The following FHIT variants were observed in gnomAD, a reference collection of about 807,000 sequenced individuals.
FHIT encodes bis(5'-adenosyl)-triphosphatase.
A neutral mutation model predicts 17.9 loss-of-function variants in FHIT; 19 were observed. The ratio of observed to expected loss-of-function variants is 1.06; its 90% CI spans 0.74 to 1.56. FHIT has a LOEUF of 1.56. FHIT is among the 40% of genes most tolerant of loss of function. The probability of loss-of-function intolerance (pLI) is 0.00; values close to 1 mark genes in which losing one functional copy is unlikely to be tolerated. For synonymous variants in FHIT, 81 were observed against 69.7 expected (o/e 1.16, Z -0.81); for missense variants, 248 against 189.2 (o/e 1.31, Z -1.82).
In FHIT at chr3:60,464,024, C is replaced by A. The variant is rs2032639590; in HGVS notation, c.103+72836G>T. ...GAACATGTAATTTGCCCTTTATTTG[C>A]ACAGTTTGGAATCATCATCATAACA... On this transcript the variant is annotated intron_variant, in intron 5 of 9. Coordinates refer to ENST00000492590, the MANE Select transcript of FHIT (RefSeq NM_002012.4). 3.9e-5 allele frequency among the ~76,000 whole-genome samples: 6 copies of A among 152,258 alleles called. No individual in the cohort carries two copies. The South Asian group carries it at 1.2e-3, about 32-fold the overall frequency.
chr3:60,203,856 G>A (rs182252828), intron 5 of FHIT, among the ~76,000 whole-genome samples: 21 of 152,250 alleles, frequency 1.4e-4, no homozygotes, highest in African/African-American at 3.8e-4. Context: ...GACAAACTTC[G>A]CATGTTCTCA....
intron 5 of FHIT, among the ~76,000 whole-genome samples, chr3:60,467,022 C>T (rs147964426): frequency 7.2e-4 from 110 of 151,782 alleles, no homozygotes; most frequent in African/African-American, 2.5e-3. Flanking sequence ...CTTTGCTGAG[C>T]GACTTCATTA....
At chr3:60,874,437 T>C (rs1704552907) in intron 3 of FHIT, among the ~76,000 whole-genome samples, 1 of 152,212 alleles carries the variant, frequency 6.6e-6, no homozygotes, top group South Asian at 2.1e-4. Flanking sequence ...GAATGTGGAA[T>C]GGTATAACTA....
intron 5 of FHIT, among the ~76,000 whole-genome samples, chr3:60,399,853 T>G (rs1701591465): frequency 6.6e-6 from 1 of 152,186 alleles, no homozygotes; most frequent in African/African-American, 2.4e-5. Context: ...TTTCTGTGGC[T>G]GAGTTAGGCT....
At chr3:60,431,464 C>T (rs1702901924) in intron 5 of FHIT, among the ~76,000 whole-genome samples, 1 of 152,060 alleles carries the variant, frequency 6.6e-6, no homozygotes, top group Non-Finnish European at 1.5e-5. Flanking sequence ...TTTCACTGAC[C>T]TATCTCTTGC....
intron 5 of FHIT, among the ~76,000 whole-genome samples, chr3:60,499,738 GTTC>G (rs1274467401): frequency 6.6e-6 from 1 of 152,064 alleles, no homozygotes; most frequent in African/African-American, 2.4e-5. Context: ...CTGAGCCTTT[GTTC>G]TTGTTTCCTT....
At chr3:59,896,215 A>C (rs1704064560) in intron 8 of FHIT, among the ~76,000 whole-genome samples, 1 of 152,224 alleles carries the variant, frequency 6.6e-6, no homozygotes, top group Non-Finnish European at 1.5e-5. Flanking sequence ...CTGTGTCCCA[A>C]GCAAGCACAG....
At chr3:59,946,720 G>C (rs1706823051) in intron 7 of FHIT, among the ~76,000 whole-genome samples, 1 of 152,140 alleles carries the variant, frequency 6.6e-6, no homozygotes, top group Non-Finnish European at 1.5e-5. Context: ...TTTTTAACAA[G>C]AAGGATGTCT....
intron 2 of FHIT, among the ~76,000 whole-genome samples, chr3:61,140,703 C>T (rs1306212864): frequency 6.6e-6 from 1 of 152,104 alleles, no homozygotes; most frequent in Non-Finnish European, 1.5e-5. Flanking sequence ...TCCTACCTTC[C>T]TGGTCATAGC....
At chr3:60,958,005 A>G (rs1329095374) in intron 3 of FHIT, among the ~76,000 whole-genome samples, 1 of 152,258 alleles carries the variant, frequency 6.6e-6, no homozygotes, top group Non-Finnish European at 1.5e-5. Flanking sequence ...AATTTAGACT[A>G]GATTCCTCCT....
At chr3:59,772,960 T>C (rs1383177218) in intron 8 of FHIT, among the ~76,000 whole-genome samples, 3 of 152,252 alleles carry the variant, frequency 2.0e-5, no homozygotes, top group African/African-American at 7.2e-5. Flanking sequence ...ATTTGTAGGC[T>C]TTCCGGCTTG....
At chr3:60,800,730 G>T (rs1173595131) in intron 4 of FHIT, among the ~76,000 whole-genome samples, 1 of 152,220 alleles carries the variant, frequency 6.6e-6, no homozygotes, top group African/African-American at 2.4e-5. Flanking sequence ...TATGGCTTCA[G>T]CTGGAGTCCA....
chr3:59,826,647 C>G (rs1054200661), intron 8 of FHIT, among the ~76,000 whole-genome samples: 3 of 152,338 alleles, frequency 2.0e-5, no homozygotes, highest in African/African-American at 7.2e-5. Context: ...ACAATGTGCG[C>G]GAGTGCGCGC....
chr3:60,685,362 G>A (rs1716735), intron 4 of FHIT, among the ~76,000 whole-genome samples: 125,305 of 152,126 alleles, frequency 0.82, 51,990 homozygotes, highest in Non-Finnish European at 0.88. Context: ...CCCCTACAAT[G>A]TCATCCTCTT....
chr3:60,499,788 C>G (rs1301121396), intron 5 of FHIT, among the ~76,000 whole-genome samples: 1 of 152,130 alleles, frequency 6.6e-6, no homozygotes, highest in East Asian at 1.9e-4. Context: ...CCACAATGGG[C>G]TGGTCCCTCC....
intron 7 of FHIT, among the ~76,000 whole-genome samples, chr3:59,968,700 C>G (rs774816101): frequency 2.6e-5 from 4 of 152,122 alleles, no homozygotes; most frequent in Non-Finnish European, 5.9e-5. Flanking sequence ...TTACATAAGC[C>G]TAGAAGATAC....
intron 4 of FHIT, among the ~76,000 whole-genome samples, chr3:60,711,164 G>T (rs1486176096): frequency 6.6e-6 from 1 of 152,144 alleles, no homozygotes; most frequent in African/African-American, 2.4e-5. Context: ...CACACAAACA[G>T]GGTCTGGAGT....
At chr3:60,825,880 G>T (rs1484269756) in intron 3 of FHIT, among the ~76,000 whole-genome samples, 1 of 152,130 alleles carries the variant, frequency 6.6e-6, no homozygotes, top group African/African-American at 2.4e-5. Flanking sequence ...CAAATTTATG[G>T]TAGGGAATTT....
chr3:61,070,344 G>A (rs550575439), intron 2 of FHIT, among the ~76,000 whole-genome samples: 12 of 152,196 alleles, frequency 7.9e-5, no homozygotes, highest in Non-Finnish European at 1.2e-4. Context: ...CCAGAGGATG[G>A]AGCCCAGAGC....
Sources: gnomAD v4.1 joint callset for allele counts (sites outside exome capture counted in the v4.1 genomes callset) on GRCh38, gnomAD v4.1.1 for gene constraint, MANE v1.5 for transcripts, NCBI Gene and HGNC (gene_info 2026-07-23, HGNC 2026-07-21) for gene names.